GYPC: variants seen among roughly 807,000 people sequenced by gnomAD.
GYPC encodes the protein glycophorin-C.
In GYPC, 14 loss-of-function variants were observed where a neutral mutation model predicts 12.6. The ratio of observed to expected loss-of-function variants is 1.11; its 90% CI spans 0.74 to 1.74. GYPC has a LOEUF of 1.74. Ranked by LOEUF, GYPC falls within the 40% of genes most tolerant of loss-of-function variation. The pLI is 0.00. For synonymous variants in GYPC, 78 were observed against 62.1 expected, an observed-to-expected ratio of 1.26 and a Z score of -1.20; for missense variants, 225 against 172.1, an observed-to-expected ratio of 1.31 and a Z score of -1.72.
intron 1 of GYPC, among the ~76,000 whole-genome samples, chr2:126,664,046 A>C (rs6741425): frequency 0.07 from 10,428 of 148,746 alleles, 461 homozygotes; most frequent in Middle Eastern, 0.1. Context: ...CCAGGTCCCA[A>C]ACTCCTGGGA....
intron 1 of GYPC, among the ~76,000 whole-genome samples, chr2:126,687,310 A>G (rs1179324134): frequency 1.3e-5 from 2 of 152,328 alleles, no homozygotes; most frequent in East Asian, 3.9e-4. Flanking sequence ...TTCCCAGCCT[A>G]CAGCATGAAT....
intron 3 of GYPC, among the ~76,000 whole-genome samples, chr2:126,694,928 T>C (rs1395951912): frequency 1.3e-5 from 2 of 152,108 alleles, no homozygotes; most frequent in Non-Finnish European, 2.9e-5. Flanking sequence ...AGCTTCACAC[T>C]GTACTTCCCC....
At chr2:126,693,978 GC>G in intron 3 of GYPC, 31 bp downstream of exon 3, 1 of 1,433,686 alleles carries the variant, frequency 7.0e-7, no homozygotes, top group Non-Finnish European at 9.9e-7. Context: ...CCTTCAAGCA[GC>G]CAGGGTGGGG....
intron 2 of GYPC, 78 bp from the exon 3 acceptor site, chr2:126,693,786 G>C: frequency 2.1e-6 from 2 of 946,450 alleles, no homozygotes; most frequent in Non-Finnish European, 1.8e-6. Flanking sequence ...CTGAGCAAAG[G>C]ATGCAGCTTG....
At chr2:126,667,324 G>A (rs1051283096) in intron 1 of GYPC, among the ~76,000 whole-genome samples, 20 of 151,822 alleles carry the variant, frequency 1.3e-4, no homozygotes, top group African/African-American at 4.6e-4. Context: ...TCATACCCCA[G>A]CAGTTAAATA....
chr2:126,666,738 C>T (rs1682690477), intron 1 of GYPC, among the ~76,000 whole-genome samples: 1 of 150,702 alleles, frequency 6.6e-6, no homozygotes, highest in African/African-American at 2.4e-5. Flanking sequence ...CACACACACA[C>T]ACACACACAC....
rs628204 is a variant in GYPC, at chr2:126,692,616, G to A, written c.107-1248G>A. On this transcript the variant is annotated intron_variant, in intron 2 of 3. Transcript: ENST00000259254. ...TTCTTCACAATCATCTCCCAGAGGAGAGAAGGCATTCTGTGCAGCAGCTCT... is the reference window on the plus strand; with the variant it reads ...TTCTTCACAATCATCTCCCAGAGGAAAGAAGGCATTCTGTGCAGCAGCTCT... Among the ~76,000 whole-genome samples, 1,518 of 152,190 alleles carry A rather than the reference G, an allele frequency of 1.0e-2. 17 individuals carry two copies. The highest frequency in any genetic ancestry group is 0.014 in the Non-Finnish European group (970 of 67,976).
chr2:126,692,562 C>T (rs397832498), intron 2 of GYPC, among the ~76,000 whole-genome samples: 1 of 152,174 alleles, frequency 6.6e-6, no homozygotes. Context: ...CCTATGTTAA[C>T]ACTGATATTT....
chr2:126,677,500 T>TGTGC (rs879791610), intron 1 of GYPC, among the ~76,000 whole-genome samples: 7 of 118,086 alleles, frequency 5.9e-5, no homozygotes, highest in African/African-American at 9.1e-5. Flanking sequence ...TGAGTGTGTG[T>TGTGC]ATGAGAGTGT....
intron 1 of GYPC, among the ~76,000 whole-genome samples, chr2:126,681,785 A>G (rs1683156089): frequency 6.7e-6 from 1 of 148,916 alleles, no homozygotes; most frequent in South Asian, 2.2e-4. Flanking sequence ...ATCCAAAAAA[A>G]AAAAAAAAAG....
intron 1 of GYPC, among the ~76,000 whole-genome samples, chr2:126,688,966 T>C (rs1683370312): frequency 6.6e-6 from 1 of 152,198 alleles, no homozygotes; most frequent in Non-Finnish European, 1.5e-5. Context: ...GATATTTCTG[T>C]GATCCAATAA....
intron 1 of GYPC, among the ~76,000 whole-genome samples, chr2:126,662,695 G>T (rs1021665752): frequency 2.0e-5 from 3 of 152,138 alleles, no homozygotes; most frequent in African/African-American, 7.2e-5. Context: ...CAAATTCTAC[G>T]GCTAGTCCTG....
chr2:126,658,858 T>C (rs187676854), intron 1 of GYPC: 1 of 152,362 alleles, frequency 6.6e-6, no homozygotes, highest in East Asian at 1.9e-4. Context: ...CTGATGGGCA[T>C]TTAGGCTGTA....
intron 3 of GYPC, among the ~76,000 whole-genome samples, chr2:126,694,984 A>C (rs1398479970): frequency 6.6e-6 from 1 of 151,982 alleles, no homozygotes; most frequent in Non-Finnish European, 1.5e-5. Flanking sequence ...CGCCCCTCGC[A>C]CAGCCACCAC....
intron 2 of GYPC, among the ~76,000 whole-genome samples, chr2:126,691,359 T>C (rs1479720145): frequency 1.3e-5 from 2 of 151,724 alleles, no homozygotes; most frequent in Non-Finnish European, 2.9e-5. Context: ...TCCCCACCCC[T>C]CTGGAGTCCC....
intron 2 of GYPC, among the ~76,000 whole-genome samples, chr2:126,691,250 T>C (rs1683454186): frequency 6.6e-6 from 1 of 152,196 alleles, no homozygotes; most frequent in African/African-American, 2.4e-5. Context: ...TCAAAGTAAA[T>C]GCCCAAACTC....
At chr2:126,670,397 C>T (rs2104779860) in intron 1 of GYPC, among the ~76,000 whole-genome samples, 1 of 152,360 alleles carries the variant, frequency 6.6e-6, no homozygotes, top group African/African-American at 2.4e-5. Flanking sequence ...ACCCACCTCA[C>T]CTCCCCATTG....
At chr2:126,681,870 C>G (rs1683159373) in intron 1 of GYPC, among the ~76,000 whole-genome samples, 1 of 152,152 alleles carries the variant, frequency 6.6e-6, no homozygotes, top group Non-Finnish European at 1.5e-5. Flanking sequence ...AGTATCGTCA[C>G]TGAGGGGCCA....
At chr2:126,676,347 A>G (rs6711745) in intron 1 of GYPC, among the ~76,000 whole-genome samples, 76,961 of 152,114 alleles carry the variant, frequency 0.51, 20,492 homozygotes, top group Non-Finnish European at 0.58. Flanking sequence ...TGTTTACATT[A>G]GAAGCATCAA....
Sources: gnomAD v4.1 joint callset for allele counts (sites outside exome capture counted in the v4.1 genomes callset) on GRCh38, gnomAD v4.1.1 for gene constraint, MANE v1.5 for transcripts, NCBI Gene and HGNC (gene_info 2026-07-23, HGNC 2026-07-21) for gene names.